The following GMDS variants were observed in gnomAD, a reference collection of about 807,000 sequenced individuals.
The protein encoded by GMDS is GDP-mannose 4,6 dehydratase.
A neutral mutation model predicts 49.9 loss-of-function variants in GMDS; 20 were observed. That is an observed-to-expected ratio of 0.40 (90% CI 0.28 to 0.58). The LOEUF is 0.58. Ranked by LOEUF, GMDS falls within the 20% of genes least tolerant of loss-of-function variation. GMDS has a pLI of 0.42. For missense variants in GMDS, 362 were observed against 481.4 expected, an observed-to-expected ratio of 0.75 and a Z score of 2.32; for synonymous variants, 177 against 178.6, an observed-to-expected ratio of 0.99 and a Z score of 0.07.
At chr6:1,672,074 T>G (rs1764449717) in intron 9 of GMDS, among the ~76,000 whole-genome samples, 1 of 152,218 alleles carries the variant, frequency 6.6e-6, no homozygotes, top group African/African-American at 2.4e-5. Flanking sequence ...CCACCCACAC[T>G]GTCTTATTAT....
chr6:1,830,546 G>T (rs1230047771), intron 7 of GMDS, among the ~76,000 whole-genome samples: 1 of 152,186 alleles, frequency 6.6e-6, no homozygotes, highest in African/African-American at 2.4e-5. Flanking sequence ...AAGACAAGAA[G>T]ATGAGACAGA....
chr6:2,005,423 T>G (rs913583818), intron 4 of GMDS, among the ~76,000 whole-genome samples: 2 of 152,110 alleles, frequency 1.3e-5, no homozygotes, highest in Admixed American at 1.3e-4. Flanking sequence ...CAGAGACAAA[T>G]TTATGTGTCT....
intron 4 of GMDS, among the ~76,000 whole-genome samples, chr6:2,062,950 T>A (rs1218014775): frequency 6.6e-6 from 1 of 151,958 alleles, no homozygotes; most frequent in African/African-American, 2.4e-5. Context: ...ACAAAGCATC[T>A]AGCTCTCAGT....
At chr6:1,915,487 C>T (rs1761332077) in intron 7 of GMDS, among the ~76,000 whole-genome samples, 1 of 152,198 alleles carries the variant, frequency 6.6e-6, no homozygotes, top group South Asian at 2.1e-4. Context: ...GCTCCCAGCT[C>T]CGGAGGAGGA....
intron 7 of GMDS, among the ~76,000 whole-genome samples, chr6:1,806,341 A>G (rs982544207): frequency 6.6e-6 from 1 of 152,082 alleles, no homozygotes; most frequent in Non-Finnish European, 1.5e-5. Context: ...ATTCCTTTAG[A>G]TTAGGGTTTA....
At chr6:2,073,651 C>T (rs1419881681) in intron 4 of GMDS, among the ~76,000 whole-genome samples, 1 of 152,128 alleles carries the variant, frequency 6.6e-6, no homozygotes, top group Non-Finnish European at 1.5e-5. Flanking sequence ...ATCTGTTCCC[C>T]TCCAACCCCT....
At position 1,745,525 on chromosome 6, in the gene GMDS, G is replaced by A. The variant is rs753397140; in HGVS notation, c.772-2939C>T. On this transcript the variant is annotated intron_variant, in intron 7 of 10. Transcript: ENST00000380815. Reference sequence around the variant, plus strand: ...CTACTGGTGGGTCACTTTAAACACCGGCCCGGGTCCCCTGGTGCTTGTTTT... The same window carrying A: ...CTACTGGTGGGTCACTTTAAACACCAGCCCGGGTCCCCTGGTGCTTGTTTT... Among the ~76,000 whole-genome samples, 16 of 152,208 alleles carry A rather than the reference G, an allele frequency of 1.1e-4. No homozygotes were observed. In the East Asian group the frequency reaches 2.5e-3, roughly 24 times the overall value.
At chr6:1,772,542 G>A (rs769532425) in intron 7 of GMDS, among the ~76,000 whole-genome samples, 5 of 152,178 alleles carry the variant, frequency 3.3e-5, no homozygotes, top group African/African-American at 4.8e-5. Flanking sequence ...AGTAAAAAAC[G>A]CTTGAACAGA....
chr6:1,882,331 A>T (rs1037032074), intron 7 of GMDS, among the ~76,000 whole-genome samples: 1 of 152,220 alleles, frequency 6.6e-6, no homozygotes, highest in Admixed American at 6.5e-5. Context: ...ATTGCTTAGA[A>T]ATGCAAATAT....
intron 4 of GMDS, among the ~76,000 whole-genome samples, chr6:2,067,758 T>C (rs892965859): frequency 6.6e-6 from 1 of 151,108 alleles, no homozygotes; most frequent in Admixed American, 6.6e-5. Context: ...GGATCCGAAA[T>C]TGTGGCAATA....
intron 1 of GMDS, among the ~76,000 whole-genome samples, chr6:2,212,278 G>A (rs1488904019): frequency 6.6e-6 from 1 of 152,152 alleles, no homozygotes; most frequent in Non-Finnish European, 1.5e-5. Flanking sequence ...GGAAAGTTAA[G>A]AGTTCAAGAA....
chr6:1,854,412 T>C (rs533045112), intron 7 of GMDS, among the ~76,000 whole-genome samples: 2 of 152,374 alleles, frequency 1.3e-5, no homozygotes, highest in Admixed American at 6.5e-5. Flanking sequence ...AAACTTCCAA[T>C]GTTCTCTGTT....
chr6:2,113,381 C>T (rs543097993), intron 4 of GMDS, among the ~76,000 whole-genome samples: 34 of 152,070 alleles, frequency 2.2e-4, no homozygotes, highest in Non-Finnish European at 2.8e-4. Context: ...TAGAAGTCAT[C>T]ACTGAATATA....
intron 9 of GMDS, among the ~76,000 whole-genome samples, chr6:1,693,965 A>G (rs1391526996): frequency 6.6e-6 from 1 of 152,246 alleles, no homozygotes; most frequent in Non-Finnish European, 1.5e-5. Context: ...TAACTTGCCC[A>G]AGGTTATACA....
chr6:1,968,533 C>T (rs2628457), intron 4 of GMDS, among the ~76,000 whole-genome samples: 147,603 of 152,126 alleles, frequency 0.97, 71,691 homozygotes, highest in Non-Finnish European at 1. Flanking sequence ...GCGGGGTTTA[C>T]AGTGTTCCAA....
chr6:2,205,567 T>C (rs1779768839), intron 1 of GMDS, among the ~76,000 whole-genome samples: 1 of 152,232 alleles, frequency 6.6e-6, no homozygotes, highest in Non-Finnish European at 1.5e-5. Flanking sequence ...CTCCCATTTG[T>C]TTCCGATTCC....
At chr6:1,655,442 T>G (rs1763841771) in intron 9 of GMDS, among the ~76,000 whole-genome samples, 1 of 151,726 alleles carries the variant, frequency 6.6e-6, no homozygotes, top group East Asian at 1.9e-4. Flanking sequence ...TGTAAAATAT[T>G]TACATTAGTT....
chr6:1,768,842 G>A (rs1224440919), intron 7 of GMDS, among the ~76,000 whole-genome samples: 1 of 152,138 alleles, frequency 6.6e-6, no homozygotes, highest in Non-Finnish European at 1.5e-5. Flanking sequence ...GTAAAAACTG[G>A]CACTTCACAA....
chr6:1,825,919 G>A (rs1019485979), intron 7 of GMDS, among the ~76,000 whole-genome samples: 9 of 152,180 alleles, frequency 5.9e-5, no homozygotes, highest in African/African-American at 2.2e-4. Context: ...GGGTGGCTGA[G>A]GCACGAGGAT....
Sources: gnomAD v4.1 joint callset for allele counts (sites outside exome capture counted in the v4.1 genomes callset) on GRCh38, gnomAD v4.1.1 for gene constraint, MANE v1.5 for transcripts, NCBI Gene and HGNC (gene_info 2026-07-23, HGNC 2026-07-21) for gene names.